Variants in GABRR2 observed in about 807,000 individuals in gnomAD.
GABRR2 encodes the protein gamma-aminobutyric acid type A receptor subunit rho2.
Under a neutral mutation model 47.0 loss-of-function variants are expected in GABRR2, and 36 were observed. The ratio of observed to expected loss-of-function variants is 0.77; its 90% confidence interval spans 0.59 to 1.01. GABRR2 has a LOEUF of 1.01. Ranked by LOEUF, GABRR2 falls within the 50% of genes least tolerant of loss-of-function variation. The pLI is 0.00. For synonymous variants in GABRR2, 204 were observed against 227.5 expected (o/e 0.90, Z 0.93); for missense variants, 587 against 594.6 (o/e 0.99, Z 0.13).
intron 8 of GABRR2, 34 bp downstream of exon 8, chr6:89,264,378 T>C (rs760608244): frequency 3.8e-6 from 6 of 1,591,264 alleles, no homozygotes; most frequent in South Asian, 1.1e-5. Flanking sequence ...CCCAGCAGCA[T>C]GGACTTAGAC....
intron 2 of GABRR2, among the ~76,000 whole-genome samples, chr6:89,294,628 T>C (rs1347193637): frequency 2.0e-5 from 3 of 151,566 alleles, no homozygotes; most frequent in Non-Finnish European, 4.4e-5. Context: ...TTTGGGTGGG[T>C]TGGGCCCAGG....
intron 2 of GABRR2, among the ~76,000 whole-genome samples, chr6:89,282,186 A>C (rs1774264107): frequency 6.6e-6 from 1 of 152,078 alleles, no homozygotes; most frequent in African/African-American, 2.4e-5. Context: ...GCGAGCCACC[A>C]GCCCCCCTCC....
At chr6:89,294,975 C>CT (rs1774531049) in intron 2 of GABRR2, among the ~76,000 whole-genome samples, 1 of 151,910 alleles carries the variant, frequency 6.6e-6, no homozygotes, top group Non-Finnish European at 1.5e-5. Context: ...TGAACTCATC[C>CT]TTTTTTATGG....
At chr6:89,297,897 G>A (rs1273239711) in intron 2 of GABRR2, among the ~76,000 whole-genome samples, 1 of 152,186 alleles carries the variant, frequency 6.6e-6, no homozygotes, top group Non-Finnish European at 1.5e-5. Flanking sequence ...GTTGGTTATT[G>A]TGTTTCCTAG....
At chr6:89,302,549 C>A in intron 1 of GABRR2, 2 of 926,782 alleles carry the variant, frequency 2.2e-6, no homozygotes, top group South Asian at 1.3e-5. Flanking sequence ...AACATGGGTG[C>A]CCTTCCCCTG....
Position 89,308,939 on chromosome 6 carries a change from C to T in GABRR2, c.113+6114G>A, listed in dbSNP as rs143696347. Among the ~76,000 whole-genome samples, 1,018 of 152,030 alleles carry T rather than the reference C, an allele frequency of 6.7e-3. 7 individuals carry two copies. Among genetic ancestry groups the T allele is most frequent in the Admixed American group, 0.013 (191 of 15,272 alleles). Reference sequence around the variant, plus strand: ...CTTCCAACCTAGTCGGGGAGGTGGACGATAAACCAGTGGACAGATAAATCA... The same window carrying T: ...CTTCCAACCTAGTCGGGGAGGTGGATGATAAACCAGTGGACAGATAAATCA... On this transcript the variant is annotated intron_variant, in intron 1 of 8. Transcript: ENST00000402938.
Position 89,268,008 on chromosome 6 carries a change from A to G in GABRR2, c.595+6T>C, listed in dbSNP as rs1318482372. ...AAGTGAAGGAATTAGGAATGCTGAT[A>G]CTTACAGCTCTCCAGCTCCAAAGAA... On this transcript the variant is annotated splice_donor_region_variant and intron_variant, in intron 5 of 8. Transcript: ENST00000402938. 1 of 1,609,958 alleles carries G rather than the reference A, an allele frequency of 6.2e-7. No individual in the cohort carries two copies. Among genetic ancestry groups the G allele is most frequent in the Non-Finnish European group, 8.5e-7 (1 of 1,177,522 alleles).
chr6:89,314,020 G>GT (rs35891444), intron 1 of GABRR2, among the ~76,000 whole-genome samples: 68,669 of 141,120 alleles, frequency 0.49, 17,939 homozygotes, highest in East Asian at 0.68. Context: ...TATATTCAGG[G>GT]TTTTTTTTTT....
chr6:89,311,102 T>C (rs959397801), intron 1 of GABRR2, among the ~76,000 whole-genome samples: 3 of 152,036 alleles, frequency 2.0e-5, no homozygotes, highest in African/African-American at 7.3e-5. Flanking sequence ...AGGAGTCAAG[T>C]GGGGCCAGGC....
intron 1 of GABRR2, among the ~76,000 whole-genome samples, chr6:89,311,091 C>A (rs1018326130): frequency 2.0e-5 from 3 of 152,190 alleles, no homozygotes; most frequent in Non-Finnish European, 4.4e-5. Flanking sequence ...GCCTTGCCTC[C>A]AGGAGTCAAG....
intron 2 of GABRR2, among the ~76,000 whole-genome samples, chr6:89,274,426 C>A (rs1012142839): frequency 6.6e-6 from 1 of 152,192 alleles, no homozygotes; most frequent in Non-Finnish European, 1.5e-5. Flanking sequence ...GAAATTCTTG[C>A]AAATTACTGG....
chr6:89,303,983 A>T (rs1263121794), intron 1 of GABRR2, among the ~76,000 whole-genome samples: 1 of 152,220 alleles, frequency 6.6e-6, no homozygotes, highest in East Asian at 1.9e-4. Context: ...GAAGTATAAA[A>T]CTCAAAACTA....
rs773691268 is a variant in GABRR2, at chr6:89,267,786, C to A, written c.629G>T (p.Trp210Leu). ...AYTDEDLMLY[W>L]KNGDESLKTD... ...TTTTAGGGATTCATCCCCATTCTTCCAGTACAGCATTAGATCTTCATCTGT... is the reference window on the plus strand; with the variant it reads ...TTTTAGGGATTCATCCCCATTCTTCAAGTACAGCATTAGATCTTCATCTGT... The change falls in exon 6 of 9, where the codon TGG becomes TTG. Residue 210 changes from tryptophan to leucine, a missense_variant. Coordinates refer to ENST00000402938, the MANE Select transcript of GABRR2 (RefSeq NM_002043.5). 2 of 1,613,814 alleles carry A rather than the reference C, an allele frequency of 1.2e-6. No homozygotes were observed. The highest frequency in any genetic ancestry group is 1.7e-6 in the Non-Finnish European group (2 of 1,179,848).
intron 2 of GABRR2, among the ~76,000 whole-genome samples, chr6:89,280,711 A>C (rs1348477434): frequency 2.0e-5 from 3 of 152,252 alleles, no homozygotes; most frequent in African/African-American, 7.2e-5. Flanking sequence ...TAAAAGGTGG[A>C]AGCCAGCAGC....
rs1034623285 is a variant in GABRR2 at position 89,313,246 on chromosome 6, C to T, written c.113+1807G>A. 2.0e-5 allele frequency among the ~76,000 whole-genome samples: 3 copies of T among 152,192 alleles called. No homozygotes were observed. The South Asian group carries it at 6.2e-4, about 32-fold the overall frequency. On this transcript the variant is annotated intron_variant, in intron 1 of 8. Coordinates refer to ENST00000402938, the MANE Select transcript of GABRR2 (RefSeq NM_002043.5). ...TGTGCTCCATGGAGTAGGAATCCCA[C>T]AAGACAGTCCAAAAAACTGTGGATT...
intron 3 of GABRR2, 122 bp downstream of exon 3, chr6:89,271,533 G>T: frequency 2.5e-6 from 2 of 785,664 alleles, no homozygotes; most frequent in South Asian, 1.5e-5. Context: ...CTCCAGGGCC[G>T]ACTTCCAAGC....
intron 2 of GABRR2, among the ~76,000 whole-genome samples, chr6:89,273,541 T>G (rs1452631879): frequency 6.6e-6 from 1 of 152,208 alleles, no homozygotes; most frequent in Non-Finnish European, 1.5e-5. Flanking sequence ...GCCTGCATTC[T>G]CTTTTTATTC....
Position 89,313,675 on chromosome 6 carries a change from G to A in GABRR2, c.113+1378C>T, listed in dbSNP as rs186505645. Among the ~76,000 whole-genome samples the A allele has an allele frequency of 2.9e-3, 441 of 152,270 alleles. 9 individuals carry two copies. The highest frequency in any genetic ancestry group is 8.5e-4 in the Non-Finnish European group (58 of 68,014). On this transcript the variant is annotated intron_variant, in intron 1 of 8. Coordinates refer to ENST00000402938, the MANE Select transcript of GABRR2 (RefSeq NM_002043.5). ...CTTCTGCCTGTAATCCTAGCACTTTGGGAGGCCAAGGTGGGTGGATCACTT... is the reference window on the plus strand; with the variant it reads ...CTTCTGCCTGTAATCCTAGCACTTTAGGAGGCCAAGGTGGGTGGATCACTT...
At chr6:89,270,082 G>C (rs74959659) in intron 3 of GABRR2, among the ~76,000 whole-genome samples, 1,600 of 152,338 alleles carry the variant, frequency 0.011, 26 homozygotes, top group African/African-American at 0.036. Context: ...GCATGCATGA[G>C]AGTCTGTCCC....
Sources: gnomAD v4.1 joint callset for allele counts (sites outside exome capture counted in the v4.1 genomes callset) on GRCh38, gnomAD v4.1.1 for gene constraint, MANE v1.5 for transcripts, NCBI Gene and HGNC (gene_info 2026-07-23, HGNC 2026-07-21) for gene names.